Variants in BMERB1 observed in about 807,000 individuals in gnomAD.
BMERB1 encodes bMERB domain-containing protein 1.
A neutral mutation model predicts 23.6 loss-of-function variants in BMERB1; 12 were observed. The observed-to-expected ratio is 0.51, with a 90% CI of 0.33 to 0.82. The LOEUF is 0.82. Ranked by LOEUF, BMERB1 falls within the 40% of genes least tolerant of loss-of-function variation. The pLI is 0.03. For missense variants in BMERB1, 247 were observed against 255.4 expected (o/e 0.97, Z 0.22); for synonymous variants, 122 against 96.6 (o/e 1.26, Z -1.54).
chr16:15,538,399 G>GCCGAGATGTGCCAGTGCA, intron 2 of BMERB1, among the ~76,000 whole-genome samples: 1 of 152,062 alleles, frequency 6.6e-6, no homozygotes, highest in Non-Finnish European at 1.5e-5. Context: ...ATTGCAGTGA[G>GCCGAGATGTGCCAGTGCA]CCGAGATGTG....
chr16:15,435,913 C>A (rs1355643647), intron 1 of BMERB1, among the ~76,000 whole-genome samples: 2 of 152,126 alleles, frequency 1.3e-5, no homozygotes, highest in East Asian at 1.9e-4. Context: ...GCACTGCCAA[C>A]CTCTTTCCTT....
rs748553314 is a variant in BMERB1, at chr16:15,586,779, C to T, written c.565C>T (p.Leu189=). ...CAAGCCCACGGTGGCCAAGACGGGGCTGGCACTGATCAAGGATTGTTGCGG... is the reference window on the plus strand; with the variant it reads ...CAAGCCCACGGTGGCCAAGACGGGGTTGGCACTGATCAAGGATTGTTGCGG... ...PSKPTVAKTG[L]ALIKDCCGAT... The change falls in exon 6 of 6, where the codon CTG becomes TTG. Residue 189 remains leucine (L), a synonymous_variant. Transcript: ENST00000300006. The T allele has an allele frequency of 1.6e-5, 26 of 1,612,568 alleles. No homozygotes were observed. The highest frequency in any genetic ancestry group is 2.2e-5 in the Non-Finnish European group (26 of 1,179,634).
At chr16:15,468,293 G>A (rs1345309600) in intron 1 of BMERB1, among the ~76,000 whole-genome samples, 1 of 151,272 alleles carries the variant, frequency 6.6e-6, no homozygotes, top group Non-Finnish European at 1.5e-5. Context: ...CTATAGGTGT[G>A]CACCTCCCCA....
chr16:15,454,981 C>T (rs140194941), intron 1 of BMERB1, among the ~76,000 whole-genome samples: 294 of 152,050 alleles, frequency 1.9e-3, no homozygotes, highest in African/African-American at 4.9e-3. Context: ...CTGTGGTCTC[C>T]GAGTAGCATT....
chr16:15,529,280 C>A (rs2051944410), intron 2 of BMERB1, among the ~76,000 whole-genome samples: 1 of 152,142 alleles, frequency 6.6e-6, no homozygotes, highest in Non-Finnish European at 1.5e-5. Context: ...CCTGCCTCGG[C>A]CTCCCAACGT....
chr16:15,581,056 G>A (rs189217692), intron 3 of BMERB1, among the ~76,000 whole-genome samples, 161 bp from the exon 4 acceptor site: 3 of 152,138 alleles, frequency 2.0e-5, no homozygotes, highest in African/African-American at 7.2e-5. Flanking sequence ...TGGAATTCCA[G>A]GTGTGTGCCA....
chr16:15,533,039 T>G (rs1270166664), intron 2 of BMERB1: 6 of 455,818 alleles, frequency 1.3e-5, no homozygotes, highest in South Asian at 6.2e-5. Flanking sequence ...GGTGGCCTCA[T>G]CTGTTAAATA....
At chr16:15,584,144 G>A (rs2031083645) in intron 5 of BMERB1, 1 of 681,472 alleles carries the variant, frequency 1.5e-6, no homozygotes, top group Non-Finnish European at 2.7e-6. Flanking sequence ...GAGTCCCAGT[G>A]TCCATTAGGA....
intron 2 of BMERB1, among the ~76,000 whole-genome samples, chr16:15,519,665 T>A (rs1173756898): frequency 6.6e-6 from 1 of 152,114 alleles, no homozygotes; most frequent in African/African-American, 2.4e-5. Context: ...ATTACAGGTG[T>A]GAGCCACTGC....
At chr16:15,502,608 A>G (rs2051542120) in intron 1 of BMERB1, among the ~76,000 whole-genome samples, 1 of 152,190 alleles carries the variant, frequency 6.6e-6, no homozygotes, top group Non-Finnish European at 1.5e-5. Flanking sequence ...TCTTTCCTAC[A>G]TGAATGATTG....
chr16:15,465,650 G>C (rs558458501), intron 1 of BMERB1, among the ~76,000 whole-genome samples: 60 of 152,230 alleles, frequency 3.9e-4, no homozygotes, highest in African/African-American at 1.3e-3. Context: ...ACCGCACCCA[G>C]CCCTAAGATC....
intron 1 of BMERB1, among the ~76,000 whole-genome samples, chr16:15,512,769 C>T (rs966086352): frequency 1.3e-5 from 2 of 151,518 alleles, no homozygotes; most frequent in Non-Finnish European, 2.9e-5. Flanking sequence ...ACCCAAGCTA[C>T]TCAGGAGGCT....
At chr16:15,509,650 C>T (rs1479841363) in intron 1 of BMERB1, among the ~76,000 whole-genome samples, 1 of 152,154 alleles carries the variant, frequency 6.6e-6, no homozygotes, top group Non-Finnish European at 1.5e-5. Context: ...CCATGCACTT[C>T]CCTCACCCCC....
At chr16:15,471,601 C>G (rs922970272) in intron 1 of BMERB1, among the ~76,000 whole-genome samples, 1 of 152,104 alleles carries the variant, frequency 6.6e-6, no homozygotes, top group Non-Finnish European at 1.5e-5. Context: ...TGTGTCCTCT[C>G]TCTCACTCTC....
chr16:15,566,536 G>A (rs1271311915), intron 2 of BMERB1, among the ~76,000 whole-genome samples: 2 of 151,962 alleles, frequency 1.3e-5, no homozygotes, highest in Non-Finnish European at 2.9e-5. Flanking sequence ...GCTCACGCCT[G>A]TAATCCCAGC....
intron 2 of BMERB1, among the ~76,000 whole-genome samples, chr16:15,531,199 G>C (rs1368112563): frequency 6.6e-6 from 1 of 151,964 alleles, no homozygotes; most frequent in Non-Finnish European, 1.5e-5. Flanking sequence ...GAGCCATCAC[G>C]CCCAGCCTTA....
intron 2 of BMERB1, among the ~76,000 whole-genome samples, chr16:15,529,686 TA>T (rs1317594478): frequency 1.3e-5 from 2 of 152,044 alleles, no homozygotes; most frequent in African/African-American, 2.4e-5. Flanking sequence ...TTGAATGAAT[TA>T]ATGAGGGCTC....
Position 15,471,817 on chromosome 16 carries a change from A to G in BMERB1, c.106+37058A>G, listed in dbSNP as rs367917182. Among the ~76,000 whole-genome samples the G allele has an allele frequency of 4.6e-5, 7 of 152,240 alleles. No homozygotes were observed. In the East Asian group the frequency reaches 5.8e-4, roughly 13 times the overall value. Reference sequence around the variant, plus strand: ...GGTCTCGAACTTCTGGACTCAAGCAATTCTCCCACCTCAGCCTCCCAAAGT... The same window carrying G: ...GGTCTCGAACTTCTGGACTCAAGCAGTTCTCCCACCTCAGCCTCCCAAAGT... On this transcript the variant is annotated intron_variant, in intron 1 of 5. Coordinates refer to ENST00000300006, the MANE Select transcript of BMERB1 (RefSeq NM_033201.3).
chr16:15,517,909 GTA>G (rs934253203), intron 2 of BMERB1, among the ~76,000 whole-genome samples: 3 of 145,224 alleles, frequency 2.1e-5, no homozygotes, highest in African/African-American at 5.5e-5. Context: ...CTGTGTGTGT[GTA>G]TGTGTGTGTG....
Sources: gnomAD v4.1 joint callset for allele counts (sites outside exome capture counted in the v4.1 genomes callset) on GRCh38, gnomAD v4.1.1 for gene constraint, MANE v1.5 for transcripts, NCBI Gene and HGNC (gene_info 2026-07-23, HGNC 2026-07-21) for gene names.